The following NCAM2 variants were observed in gnomAD, a reference collection of about 807,000 sequenced individuals.
NCAM2 encodes neural cell adhesion molecule 2, also known as N-CAM-2.
NCAM2 carries 30 observed loss-of-function variants against 98.1 expected under a neutral mutation model. That is an observed-to-expected ratio of 0.31 (90% CI 0.23 to 0.41). The LOEUF (loss-of-function observed/expected upper bound fraction) is 0.41. NCAM2 is among the 10% of genes least tolerant of loss of function. The pLI, the probability that NCAM2 is intolerant of heterozygous loss-of-function variation, is 1.00. For missense variants in NCAM2, 867 were observed against 1,005.8 expected (o/e 0.86, Z 1.87); for synonymous variants, 368 against 342.4 (o/e 1.07, Z -0.83).
chr21:21,517,472 G>C (rs887109788), intron 16 of NCAM2, among the ~76,000 whole-genome samples: 2 of 152,076 alleles, frequency 1.3e-5, no homozygotes, highest in African/African-American at 4.8e-5. Context: ...GGAACTAGAG[G>C]GATAGAAAGC....
At chr21:21,200,742 G>T (rs9306006) in intron 1 of NCAM2, among the ~76,000 whole-genome samples, 143,376 of 143,376 alleles carry the variant, frequency 1, 71,688 homozygotes, top group Non-Finnish European at 1. Flanking sequence ...TAAATTAATG[G>T]GGCCCTTCAT....
At chr21:21,291,637 T>C (rs948772938) in intron 4 of NCAM2, among the ~76,000 whole-genome samples, 2 of 151,944 alleles carry the variant, frequency 1.3e-5, no homozygotes, top group African/African-American at 4.8e-5. Flanking sequence ...AATATTATTA[T>C]ATCATTTAGT....
intron 1 of NCAM2, among the ~76,000 whole-genome samples, chr21:21,155,415 T>C (rs966928129): frequency 6.6e-6 from 1 of 151,766 alleles, no homozygotes; most frequent in African/African-American, 2.4e-5. Context: ...TGTCAAAGTC[T>C]TGTGGGTATT....
chr21:21,424,804 G>T (rs1021768582), intron 11 of NCAM2, among the ~76,000 whole-genome samples: 23 of 151,920 alleles, frequency 1.5e-4, no homozygotes, highest in Admixed American at 1.5e-3. Flanking sequence ...AGCCGAGGCG[G>T]GTGGATCATC....
intron 8 of NCAM2, among the ~76,000 whole-genome samples, chr21:21,350,945 A>AG (rs202088764): frequency 0.33 from 42,934 of 130,650 alleles, 6,982 homozygotes; most frequent in African/African-American, 0.38. Flanking sequence ...AAAAAAAAAA[A>AG]AAAGGAGAGA....
intron 8 of NCAM2, among the ~76,000 whole-genome samples, chr21:21,368,468 G>A (rs1425246595): frequency 6.6e-6 from 1 of 151,738 alleles, no homozygotes; most frequent in Non-Finnish European, 1.5e-5. Flanking sequence ...TGTTCACGCT[G>A]CTATAACAAA....
intron 1 of NCAM2, among the ~76,000 whole-genome samples, chr21:21,088,660 G>T (rs971486570): frequency 1.3e-5 from 2 of 152,102 alleles, no homozygotes; most frequent in South Asian, 2.1e-4. Context: ...GACATTCAGG[G>T]CTTGGCAAAC....
At chr21:21,044,896 G>A (rs1453986483) in intron 1 of NCAM2, among the ~76,000 whole-genome samples, 1 of 152,084 alleles carries the variant, frequency 6.6e-6, no homozygotes. Context: ...AGCCCAGAGA[G>A]AGACCCTGTC....
At position 21,127,667 on chromosome 21, in the gene NCAM2, A is replaced by G. The variant is rs986025557; in HGVS notation, c.55+129049A>G. Among the ~76,000 whole-genome samples, 5 of 152,034 alleles carry G rather than the reference A, an allele frequency of 3.3e-5. No individual in the cohort carries two copies. In the East Asian group the frequency reaches 9.6e-4, roughly 29 times the overall value. On this transcript the variant is annotated intron_variant, in intron 1 of 17. Coordinates refer to ENST00000400546, the MANE Select transcript of NCAM2 (RefSeq NM_004540.5). ...CTATTCTACTCTCTACCTTTATGAA[A>G]TCAACATTTTTTAGATTCTACATAT...
At chr21:21,383,806 T>A (rs1934460849) in intron 9 of NCAM2, among the ~76,000 whole-genome samples, 1 of 152,100 alleles carries the variant, frequency 6.6e-6, no homozygotes, top group South Asian at 2.1e-4. Context: ...AGTATTTTTA[T>A]TATTTTTCTT....
intron 5 of NCAM2, among the ~76,000 whole-genome samples, chr21:21,304,587 G>C (rs936584464): frequency 6.6e-6 from 1 of 151,918 alleles, no homozygotes; most frequent in Admixed American, 6.6e-5. Flanking sequence ...AATACTCTAG[G>C]TTCTGTTCAT....
chr21:21,064,591 C>G (rs943121330), intron 1 of NCAM2, among the ~76,000 whole-genome samples: 3 of 152,146 alleles, frequency 2.0e-5, no homozygotes, highest in African/African-American at 7.2e-5. Flanking sequence ...GAAGTGTTCT[C>G]TTGCCCCTCA....
chr21:21,154,666 T>C (rs2067555364), intron 1 of NCAM2, among the ~76,000 whole-genome samples: 2 of 151,908 alleles, frequency 1.3e-5, no homozygotes, highest in Admixed American at 1.3e-4. Flanking sequence ...ATATTTGCCA[T>C]TTCTGTGACA....
intron 1 of NCAM2, among the ~76,000 whole-genome samples, chr21:21,155,401 T>C: frequency 6.6e-6 from 1 of 151,886 alleles, no homozygotes; most frequent in East Asian, 1.9e-4. Context: ...ATTATTTATA[T>C]ATGTGTCAAA....
intron 1 of NCAM2, among the ~76,000 whole-genome samples, chr21:21,180,501 A>G (rs557738941): frequency 2.6e-4 from 40 of 152,296 alleles, no homozygotes; most frequent in African/African-American, 9.6e-4. Flanking sequence ...ATGAGATTAT[A>G]GTCAAATAGG....
intron 9 of NCAM2, among the ~76,000 whole-genome samples, chr21:21,406,879 G>A (rs762182233): frequency 8.5e-4 from 129 of 152,094 alleles, no homozygotes; most frequent in Non-Finnish European, 1.3e-3. Flanking sequence ...AGATAAAAAT[G>A]TTTCCATGCC....
chr21:21,077,860 G>C (rs2065711701), intron 1 of NCAM2, among the ~76,000 whole-genome samples: 1 of 151,962 alleles, frequency 6.6e-6, no homozygotes, highest in East Asian at 1.9e-4. Context: ...CTCTCTCAGG[G>C]AAAAAATTGA....
At position 21,087,344 on chromosome 21, in the gene NCAM2, G is replaced by A. The variant is rs533106841; in HGVS notation, c.55+88726G>A. Among the ~76,000 whole-genome samples the A allele has an allele frequency of 3.0e-4, 46 of 152,190 alleles. No individual in the cohort carries two copies. In the South Asian group the frequency reaches 9.1e-3, roughly 30 times the overall value. ...CAATGGTGAGCCAAGTCATGAGACC[G>A]AGGAGAAGAAAAAGGTCTGAGTATT... On this transcript the variant is annotated intron_variant, in intron 1 of 17. Coordinates refer to ENST00000400546, the MANE Select transcript of NCAM2 (RefSeq NM_004540.5).
At position 21,237,632 on chromosome 21, in the gene NCAM2, A is replaced by G. The variant is rs1055602699; in HGVS notation, c.56-42946A>G. 3.9e-5 allele frequency among the ~76,000 whole-genome samples: 6 copies of G among 152,204 alleles called. No homozygotes were observed. In the South Asian group the frequency reaches 1.0e-3, roughly 26 times the overall value. The stretch of plus-strand genomic sequence containing the variant: ...TCCCTCTTATGAAAGCACATGTTCT[A>G]TTGGACAGTTGAAGGTTTACTGTTT... On this transcript the variant is annotated intron_variant, in intron 1 of 17. Coordinates refer to ENST00000400546, the MANE Select transcript of NCAM2 (RefSeq NM_004540.5).
Sources: gnomAD v4.1 joint callset for allele counts (sites outside exome capture counted in the v4.1 genomes callset) on GRCh38, gnomAD v4.1.1 for gene constraint, MANE v1.5 for transcripts, NCBI Gene and HGNC (gene_info 2026-07-23, HGNC 2026-07-21) for gene names.